Variants in MYO18B observed in about 807,000 individuals in gnomAD.
MYO18B encodes unconventional myosin-XVIIIb.
MYO18B carries 204 observed loss-of-function variants against 273.0 expected under a neutral mutation model. The observed-to-expected ratio is 0.75, with a 90% CI of 0.67 to 0.84. MYO18B has a LOEUF of 0.84. Among genes scored for constraint, MYO18B ranks in the 40% least tolerant of loss-of-function variants. The pLI, the probability that MYO18B is intolerant of heterozygous loss-of-function variation, is 0.00. For synonymous variants in MYO18B, 1,330 were observed against 1,305.7 expected (o/e 1.02, Z -0.40); for missense variants, 3,212 against 3,287.6 (o/e 0.98, Z 0.56).
intron 21 of MYO18B, among the ~76,000 whole-genome samples, chr22:25,865,274 C>G (rs1258633771): frequency 6.6e-6 from 1 of 152,158 alleles, no homozygotes; most frequent in African/African-American, 2.4e-5. Flanking sequence ...TGAATCCAAG[C>G]TTTGTTGTAT....
chr22:25,987,548 C>A (rs1393961232), intron 39 of MYO18B, among the ~76,000 whole-genome samples: 4 of 151,676 alleles, frequency 2.6e-5, no homozygotes, highest in Non-Finnish European at 5.9e-5. Flanking sequence ...CTTATCCTTC[C>A]CTCATTCGCC....
chr22:25,995,443 G>C (rs1376360395), intron 40 of MYO18B, among the ~76,000 whole-genome samples: 1 of 152,074 alleles, frequency 6.6e-6, no homozygotes. Context: ...TGAGGGGATG[G>C]ATACCCCATT....
intron 7 of MYO18B, among the ~76,000 whole-genome samples, chr22:25,773,550 G>A (rs1424454053): frequency 1.4e-4 from 21 of 152,054 alleles, no homozygotes; most frequent in African/African-American, 3.4e-4. Flanking sequence ...TGCAAGCGCC[G>A]CCTCCCGGGT....
chr22:25,764,489 C>T (rs2086435962), intron 3 of MYO18B, among the ~76,000 whole-genome samples: 1 of 152,176 alleles, frequency 6.6e-6, no homozygotes, highest in South Asian at 2.1e-4. Context: ...CTGGCTTGAG[C>T]CCAGTGACCC....
Position 25,767,886 on chromosome 22 carries a change from G to A in MYO18B, c.199-229G>A, listed in dbSNP as rs1054524939. 7.9e-5 allele frequency among the ~76,000 whole-genome samples: 12 copies of A among 152,282 alleles called. No individual in the cohort carries two copies. The South Asian group carries it at 1.2e-3, about 16-fold the overall frequency. The stretch of plus-strand genomic sequence containing the variant: ...AGAGTCAGGAGTTGAACTTGGTTCT[G>A]TTGGGCTCCAAAGTCCACTCCTTCC... On this transcript the variant is annotated intron_variant, in intron 3 of 43. Coordinates refer to ENST00000335473, the MANE Select transcript of MYO18B (RefSeq NM_032608.7).
chr22:25,833,175 G>A lies in MYO18B; in HGVS notation c.3060+178G>A, dbSNP rs6004789. 0.22 allele frequency among the ~76,000 whole-genome samples: 33,445 copies of A among 152,170 alleles called. 3,811 individuals carry two copies. The highest frequency in any genetic ancestry group is 0.25 in the Non-Finnish European group (16,874 of 67,998). Reference sequence around the variant, plus strand: ...CCCCAGATTCTGTGTAAATTGTTCTGAGGGTATGGCCTGAACAGTGGAAAT... The same window carrying A: ...CCCCAGATTCTGTGTAAATTGTTCTAAGGGTATGGCCTGAACAGTGGAAAT... On this transcript the variant is annotated intron_variant, in intron 16 of 43. Transcript: ENST00000335473.
intron 34 of MYO18B, among the ~76,000 whole-genome samples, chr22:25,937,246 G>A (rs566500364): frequency 2.6e-5 from 4 of 151,826 alleles, no homozygotes; most frequent in Non-Finnish European, 2.9e-5. Context: ...CACCATGCCC[G>A]GCTAACTTTT....
At chr22:25,757,068 G>T (rs1192077334) in intron 1 of MYO18B, among the ~76,000 whole-genome samples, 3 of 151,708 alleles carry the variant, frequency 2.0e-5, no homozygotes, top group South Asian at 2.1e-4. Context: ...CAAAAGAAAA[G>T]AAAATATATA....
rs369060230 is a variant in MYO18B, at chr22:25,927,617, C to T, written c.5517+6208C>T. On this transcript the variant is annotated intron_variant, in intron 34 of 43. Coordinates refer to ENST00000335473, the MANE Select transcript of MYO18B (RefSeq NM_032608.7). Reference sequence around the variant, plus strand: ...CTGCCTCCACTTGCCTTGTTGTATTCTATTACCTTGTAAAGTACTTGACAT... The same window carrying T: ...CTGCCTCCACTTGCCTTGTTGTATTTTATTACCTTGTAAAGTACTTGACAT... Among the ~76,000 whole-genome samples the T allele has an allele frequency of 2.0e-3, 309 of 152,292 alleles. 2 individuals are homozygous for T. Among genetic ancestry groups the T allele is most frequent in the Non-Finnish European group, 2.2e-3 (147 of 68,018 alleles).
At chr22:25,823,769 G>A (rs2089380055) in intron 13 of MYO18B, 91 bp downstream of exon 13, 1 of 1,383,906 alleles carries the variant, frequency 7.2e-7, no homozygotes, top group Admixed American at 1.9e-5. Flanking sequence ...TTTTATCAAA[G>A]ATTTGTTAAG....
At chr22:25,856,328 T>A (rs1186957907) in intron 21 of MYO18B, among the ~76,000 whole-genome samples, 1 of 152,194 alleles carries the variant, frequency 6.6e-6, no homozygotes, top group Non-Finnish European at 1.5e-5. Context: ...ACACAGGAGT[T>A]GAATAGAAGC....
At chr22:26,003,757 A>G (rs1934188146) in intron 41 of MYO18B, among the ~76,000 whole-genome samples, 1 of 152,134 alleles carries the variant, frequency 6.6e-6, no homozygotes, top group African/African-American at 2.4e-5. Flanking sequence ...TTCAAAGAAG[A>G]TGTAGCTCAA....
At chr22:25,828,720 T>A in intron 14 of MYO18B, 56 bp from the exon 15 acceptor site, 2 of 1,528,730 alleles carry the variant, frequency 1.3e-6, no homozygotes, top group Non-Finnish European at 1.8e-6. Context: ...CTTGGATCAG[T>A]GTGCTCCTAG....
intron 34 of MYO18B, among the ~76,000 whole-genome samples, chr22:25,928,252 G>C (rs190744117): frequency 1.2e-4 from 19 of 152,048 alleles, no homozygotes; most frequent in Admixed American, 1.2e-3. Context: ...GCAGAGGAAG[G>C]TGTGGCCAGA....
chr22:25,987,431 A>G (rs1394197980), intron 39 of MYO18B, among the ~76,000 whole-genome samples: 11 of 152,088 alleles, frequency 7.2e-5, no homozygotes, highest in Non-Finnish European at 1.5e-5. Context: ...TATTATCTAC[A>G]TTCTACATAT....
chr22:25,895,174 G>C lies in MYO18B; in HGVS notation c.4562G>C (p.Arg1521Pro). The change falls in exon 28 of 44, where the codon CGC (arginine) becomes CCC (proline). Residue 1521 changes from arginine to proline, a missense_variant. Physicochemically the swap from Arg to Pro is moderately radical, Grantham distance 103. Coordinates refer to ENST00000335473, the MANE Select transcript of MYO18B (RefSeq NM_032608.7). ...PTGGADEWQM[R>P]FDCAQMENEF... ...TAAACAGCAGACGAGTGGCAGATGC[G>C]CTTCGACTGTGCTCAGATGGAGAAC... is the stretch of plus-strand genomic sequence containing the variant. The C allele has an allele frequency of 6.2e-7, 1 of 1,612,376 alleles. No individual in the cohort carries two copies. The highest frequency in any genetic ancestry group is 8.5e-7 in the Non-Finnish European group (1 of 1,179,286).
chr22:25,856,941 C>A (rs779990974), intron 21 of MYO18B, among the ~76,000 whole-genome samples: 3 of 152,094 alleles, frequency 2.0e-5, no homozygotes, highest in Non-Finnish European at 4.4e-5. Context: ...GTCCATGCTG[C>A]CCATTCCATG....
At chr22:25,779,937 G>C (rs1408662777) in intron 8 of MYO18B, 119 bp from the exon 9 acceptor site, 5 of 1,313,430 alleles carry the variant, frequency 3.8e-6, no homozygotes, top group Non-Finnish European at 5.1e-6. Context: ...CCCACCGGGG[G>C]CTGAGGCCAG....
At position 25,810,605 on chromosome 22, in the gene MYO18B, A is replaced by T. The variant is rs111997408; in HGVS notation, c.2521+12508A>T. 2.0e-3 allele frequency among the ~76,000 whole-genome samples: 302 copies of T among 148,356 alleles called. 2 individuals carry two copies. Among genetic ancestry groups the T allele is most frequent in the African/African-American group, 7.3e-3 (294 of 40,150 alleles). Reference sequence around the variant, plus strand: ...TGCGCCACCATCCCAGCTAATTTTTATTTATTTATTTGTAGAAACAGGGTT... The same window carrying T: ...TGCGCCACCATCCCAGCTAATTTTTTTTTATTTATTTGTAGAAACAGGGTT... On this transcript the variant is annotated intron_variant, in intron 12 of 43. Coordinates refer to ENST00000335473, the MANE Select transcript of MYO18B (RefSeq NM_032608.7).
Sources: gnomAD v4.1 joint callset for allele counts (sites outside exome capture counted in the v4.1 genomes callset) on GRCh38, gnomAD v4.1.1 for gene constraint, MANE v1.5 for transcripts, NCBI Gene and HGNC (gene_info 2026-07-23, HGNC 2026-07-21) for gene names.